Variants in PIBF1 observed in about 807,000 individuals in gnomAD.
PIBF1 encodes the protein progesterone-induced-blocking factor 1.
PIBF1 carries 90 observed loss-of-function variants against 112.5 expected under a neutral mutation model. The ratio of observed to expected loss-of-function variants is 0.80; its 90% CI spans 0.67 to 0.95. The LOEUF (loss-of-function observed/expected upper bound fraction) is 0.95. PIBF1 is among the 40% of genes least tolerant of loss of function. PIBF1 has a pLI of 0.00. For missense variants in PIBF1, 915 were observed against 852.3 expected (o/e 1.07, Z -0.92); for synonymous variants, 301 against 288.6 (o/e 1.04, Z -0.44).
chr13:72,798,002 A>T lies in PIBF1; in HGVS notation c.648A>T (p.Lys216Asn), dbSNP rs1459622820. The change falls in exon 5 of 18, where the codon AAA becomes AAT. Residue 216 changes from lysine (K) to asparagine (N), a missense_variant. Transcript: ENST00000326291. ...NILAEELSTN[K>N]NQLKQLTETY... ...TAGCAGAAGAATTAAGTACAAACAAAAACCAACTGAAGCAGCTGACAGAGG... is the reference window on the plus strand; with the variant it reads ...TAGCAGAAGAATTAAGTACAAACAATAACCAACTGAAGCAGCTGACAGAGG... 1.9e-6 allele frequency: 3 copies of T among 1,604,778 alleles called. No homozygotes were observed. The highest frequency in any genetic ancestry group is 2.5e-6 in the Non-Finnish European group (3 of 1,176,952).
chr13:72,990,996 G>A (rs1392519759), intron 16 of PIBF1, among the ~76,000 whole-genome samples: 1 of 152,182 alleles, frequency 6.6e-6, no homozygotes, highest in Non-Finnish European at 1.5e-5. Context: ...CCATATGAAA[G>A]CACTTCCATT....
intron 2 of PIBF1, among the ~76,000 whole-genome samples, chr13:72,789,010 T>G (rs1403506618): frequency 6.6e-6 from 1 of 152,150 alleles, no homozygotes; most frequent in Non-Finnish European, 1.5e-5. Flanking sequence ...TTAAAAGCAC[T>G]TCCCACTCAG....
chr13:72,916,100 GT>G (rs1436418594), intron 12 of PIBF1, among the ~76,000 whole-genome samples: 2 of 151,830 alleles, frequency 1.3e-5, no homozygotes, highest in Non-Finnish European at 2.9e-5. Context: ...ATGATGAAAT[GT>G]TTTTTGGCCA....
At chr13:72,894,009 A>G in intron 11 of PIBF1, 60 bp downstream of exon 11, 2 of 608,374 alleles carry the variant, frequency 3.3e-6, no homozygotes, top group East Asian at 8.6e-5. Context: ...TAAGTACAAG[A>G]TTTATATTGA....
At chr13:72,885,593 A>G (rs2039818033) in intron 10 of PIBF1, among the ~76,000 whole-genome samples, 1 of 152,116 alleles carries the variant, frequency 6.6e-6, no homozygotes, top group African/African-American at 2.4e-5. Context: ...GGATTAGACA[A>G]GATTCCTGCA....
At chr13:72,788,891 T>C (rs1353261439) in intron 2 of PIBF1, among the ~76,000 whole-genome samples, 1 of 152,178 alleles carries the variant, frequency 6.6e-6, no homozygotes, top group Non-Finnish European at 1.5e-5. Flanking sequence ...CCAATACAAA[T>C]GGTTATGGAT....
chr13:72,810,894 T>G (rs2035975759), intron 5 of PIBF1, among the ~76,000 whole-genome samples: 1 of 151,958 alleles, frequency 6.6e-6, no homozygotes, highest in African/African-American at 2.4e-5. Flanking sequence ...TCTCGTTCTG[T>G]TGCCCAGGCT....
At chr13:72,992,884 A>T (rs2043524627) in intron 16 of PIBF1, among the ~76,000 whole-genome samples, 2 of 152,218 alleles carry the variant, frequency 1.3e-5, no homozygotes, top group Admixed American at 1.3e-4. Context: ...CACACAACCA[A>T]AAACTATCAG....
At chr13:72,936,297 A>G (rs1166166157) in intron 14 of PIBF1, among the ~76,000 whole-genome samples, 1 of 152,120 alleles carries the variant, frequency 6.6e-6, no homozygotes, top group African/African-American at 2.4e-5. Flanking sequence ...TGGCTTCCCA[A>G]AGTGCTGGGA....
At chr13:73,013,029 C>T (rs868338749) in intron 17 of PIBF1, among the ~76,000 whole-genome samples, 9 of 151,538 alleles carry the variant, frequency 5.9e-5, no homozygotes, top group South Asian at 2.1e-4. Flanking sequence ...GGGCCGGGCG[C>T]GGTGGCTCAC....
At chr13:72,957,353 C>T (rs1261232081) in intron 14 of PIBF1, among the ~76,000 whole-genome samples, 3 of 152,202 alleles carry the variant, frequency 2.0e-5, no homozygotes, top group South Asian at 4.2e-4. Context: ...AATGAAATAA[C>T]GGCATTCACA....
At position 72,998,809 on chromosome 13, in the gene PIBF1, C is replaced by CG; in HGVS notation, c.2050-13_2050-12insG. ...CACTCTTGCTACTTTCTTCTGTTTTCATATATCAACAGGAATTGGCAGCAA... is the reference window on the plus strand; with the variant it reads ...CACTCTTGCTACTTTCTTCTGTTTTCGATATATCAACAGGAATTGGCAGCAA... On this transcript the variant is annotated splice_polypyrimidine_tract_variant and intron_variant, in intron 16 of 17. Transcript: ENST00000326291. 3 of 1,598,344 alleles carry CG rather than the reference C, an allele frequency of 1.9e-6. No homozygotes were observed. Among genetic ancestry groups the CG allele is most frequent in the Non-Finnish European group, 2.6e-6 (3 of 1,169,616 alleles).
intron 17 of PIBF1, among the ~76,000 whole-genome samples, chr13:73,007,429 C>T (rs562433838): frequency 1.3e-5 from 2 of 151,762 alleles, no homozygotes; most frequent in South Asian, 2.1e-4. Context: ...AATTATACAT[C>T]TGAATTATTT....
At position 72,783,406 on chromosome 13, in the gene PIBF1, T is replaced by C. The variant is rs910441335; in HGVS notation, c.-47-17T>C. On this transcript the variant is annotated splice_polypyrimidine_tract_variant and intron_variant, in intron 1 of 17. Coordinates refer to ENST00000326291, the MANE Select transcript of PIBF1 (RefSeq NM_006346.4). ...TAATTTTATAGTACATTTGAATTAA[T>C]GTTTTTTAACCTACAGAATATTAAA... 5.5e-6 allele frequency: 6 copies of C among 1,087,532 alleles called. No homozygotes were observed. Among genetic ancestry groups the C allele is most frequent in the African/African-American group, 4.8e-5 (3 of 62,894 alleles). 67.4% of individuals were successfully genotyped at this position (1,087,532 alleles called of 1,614,324 possible). A position where few individuals can be genotyped will look rare whatever the true frequency, so the allele number is the denominator to read the frequency against.
At chr13:72,828,447 C>T (rs982848096) in intron 8 of PIBF1, among the ~76,000 whole-genome samples, 1 of 152,004 alleles carries the variant, frequency 6.6e-6, no homozygotes, top group African/African-American at 2.4e-5. Context: ...CCCCGACAGG[C>T]GCCGGTGTGT....
intron 10 of PIBF1, among the ~76,000 whole-genome samples, chr13:72,889,917 C>T (rs978631981): frequency 6.6e-6 from 1 of 152,070 alleles, no homozygotes; most frequent in Non-Finnish European, 1.5e-5. Context: ...AAGCCATGAA[C>T]ATTTTGTGTA....
intron 15 of PIBF1, among the ~76,000 whole-genome samples, chr13:72,971,179 A>AGT (rs2042879138): frequency 7.9e-6 from 1 of 126,016 alleles, no homozygotes; most frequent in Admixed American, 9.2e-5. Flanking sequence ...TTTGAAACAG[A>AGT]GAGTGAGTGT....
chr13:72,880,067 G>A (rs1354594891), intron 10 of PIBF1, among the ~76,000 whole-genome samples: 1 of 152,144 alleles, frequency 6.6e-6, no homozygotes, highest in Non-Finnish European at 1.5e-5. Flanking sequence ...TTGTCTGTCT[G>A]TTTCTTGGAG....
At chr13:72,812,988 C>T (rs2036091753) in intron 5 of PIBF1, among the ~76,000 whole-genome samples, 1 of 151,930 alleles carries the variant, frequency 6.6e-6, no homozygotes, top group Admixed American at 6.6e-5. Flanking sequence ...AAGAAATAGC[C>T]ATCAACTTAA....
Sources: gnomAD v4.1 joint callset for allele counts (sites outside exome capture counted in the v4.1 genomes callset) on GRCh38, gnomAD v4.1.1 for gene constraint, MANE v1.5 for transcripts, NCBI Gene and HGNC (gene_info 2026-07-23, HGNC 2026-07-21) for gene names.